Variants in MS4A18 observed in about 807,000 individuals in gnomAD.
The protein encoded by MS4A18 is membrane spanning 4-domains A18.
A neutral mutation model predicts 13.1 loss-of-function variants in MS4A18; 27 were observed. The ratio of observed to expected loss-of-function variants is 2.06; its 90% CI spans 1.52 to 2.84. MS4A18 has a LOEUF of 2.84. MS4A18 is among the 30% of genes most tolerant of loss of function. The pLI, the probability that MS4A18 is intolerant of heterozygous loss-of-function variation, is 0.00. For synonymous variants in MS4A18, 126 were observed against 76.5 expected (o/e 1.65, Z -3.38); for missense variants, 307 against 196.4 (o/e 1.56, Z -3.37).
intron 2 of MS4A18, among the ~76,000 whole-genome samples, chr11:60,735,550 C>T (rs1853324461): frequency 6.8e-6 from 1 of 147,960 alleles, no homozygotes; most frequent in South Asian, 2.2e-4. Flanking sequence ...AGGGTTTCAC[C>T]GTGGTCTCGA....
intron 2 of MS4A18, among the ~76,000 whole-genome samples, chr11:60,735,830 A>G (rs1207869815): frequency 6.8e-6 from 1 of 147,894 alleles, no homozygotes; most frequent in African/African-American, 2.5e-5. Context: ...CTCCCAGCTA[A>G]TTTTTGTATT....
At chr11:60,732,564 TA>T (rs1048093493) in intron 1 of MS4A18, among the ~76,000 whole-genome samples, 59 of 151,448 alleles carry the variant, frequency 3.9e-4, no homozygotes, top group African/African-American at 1.4e-3. Flanking sequence ...CCATCTCTAC[TA>T]AAAATACAAA....
At chr11:60,730,279 T>C (rs149401083) in intron 1 of MS4A18, among the ~76,000 whole-genome samples, 8 of 152,334 alleles carry the variant, frequency 5.3e-5, no homozygotes, top group Non-Finnish European at 8.8e-5. Context: ...TCTGCCTCTT[T>C]CCTGCCTCCT....
chr11:60,729,228 T>A (rs184713828), upstream of MS4A18: 156 of 629,462 alleles, frequency 2.5e-4, no homozygotes, highest in African/African-American at 2.4e-3. Context: ...AAGATGAAAC[T>A]AAAGATAAGA....
chr11:60,736,963 T>TTC lies in MS4A18; in HGVS notation c.592-14_592-13insCT. On this transcript the variant is annotated splice_polypyrimidine_tract_variant and intron_variant, in intron 2 of 5. Coordinates refer to ENST00000529108, the Ensembl canonical transcript of MS4A18. ...ACAATTGGTCATTCTTTTTTTTTTT[T>TTC]TTTTGTCTGCGTAGTATATTGTATC... 4.4e-6 allele frequency: 3 copies of TTC among 685,754 alleles called. No homozygotes were observed. Among genetic ancestry groups the TTC allele is most frequent in the Admixed American group, 2.2e-5 (1 of 46,102 alleles). 42.5% of individuals were successfully genotyped at this position (685,754 alleles called of 1,614,324 possible).
chr11:60,744,355 G>C (rs1249761096), downstream of MS4A18: 1 of 271,068 alleles, frequency 3.7e-6, no homozygotes, highest in Non-Finnish European at 7.1e-6. Context: ...TTCCCAGTCC[G>C]CAGCTCTAAC....
rs781560170 is a variant in MS4A18, at chr11:60,741,163, C to T, written c.858+20C>T. 5.7e-6 allele frequency: 4 copies of T among 702,934 alleles called. No individual in the cohort carries two copies. The highest frequency in any genetic ancestry group is 4.4e-5 in the South Asian group (3 of 67,576). The allele number at this position is 702,934 out of a possible 1,614,324, so 43.5% of individuals were successfully genotyped here. A position where few individuals can be genotyped will look rare whatever the true frequency, so the allele number is the denominator to read the frequency against. ...TTTGAGGTAAGCATTGGACTCTGTT[C>T]CAGGAATCAGATCATGCTCTGGAGT... is the stretch of plus-strand genomic sequence containing the variant. On this transcript the variant is annotated intron_variant, in intron 5 of 5. Transcript: ENST00000529108.
At chr11:60,729,536 A>G (rs1296335125) in exon 1 of MS4A18, 3 of 702,710 alleles carry the variant, frequency 4.3e-6, no homozygotes, top group Non-Finnish European at 7.8e-6. Context: ...GCAGGTGTAC[A>G]GAGTCAACCC....
upstream of MS4A18, among the ~76,000 whole-genome samples, chr11:60,728,400 ATGTATGTG>A (rs1230658215): frequency 1.1e-4 from 16 of 143,996 alleles, no homozygotes; most frequent in African/African-American, 4.4e-4. Context: ...GTATGTGTGT[ATGTATGTG>A]TGTGTGTGTG....
intron 3 of MS4A18, among the ~76,000 whole-genome samples, chr11:60,737,657 C>G (rs1444763846): frequency 6.6e-6 from 1 of 152,168 alleles, no homozygotes; most frequent in Non-Finnish European, 1.5e-5. Context: ...TTTGTTGCAG[C>G]CTCTAAGAAG....
At chr11:60,739,710 C>T (rs766989662) in intron 4 of MS4A18, among the ~76,000 whole-genome samples, 5 of 152,220 alleles carry the variant, frequency 3.3e-5, no homozygotes, top group Non-Finnish European at 7.3e-5. Context: ...GTCTGCCATG[C>T]TCATGGGCAA....
At chr11:60,732,632 G>A (rs1853272802) in intron 1 of MS4A18, among the ~76,000 whole-genome samples, 1 of 151,298 alleles carries the variant, frequency 6.6e-6, no homozygotes, top group African/African-American at 2.4e-5. Flanking sequence ...TCGGGAGGCT[G>A]AGGCAGGAGA....
intron 4 of MS4A18, among the ~76,000 whole-genome samples, chr11:60,739,961 G>A (rs1853393508): frequency 6.6e-6 from 1 of 152,214 alleles, no homozygotes; most frequent in Non-Finnish European, 1.5e-5. Context: ...CAGGGGTGAG[G>A]GCAGTCCCTA....
At chr11:60,732,325 C>T (rs1256710127) in intron 1 of MS4A18, among the ~76,000 whole-genome samples, 3 of 152,026 alleles carry the variant, frequency 2.0e-5, no homozygotes, top group Non-Finnish European at 4.4e-5. Context: ...GACAGAGGAT[C>T]TCCCCTTGTG....
chr11:60,727,792 A>C (rs1204427360), upstream of MS4A18, among the ~76,000 whole-genome samples: 1 of 152,214 alleles, frequency 6.6e-6, no homozygotes, highest in Non-Finnish European at 1.5e-5. Context: ...ATATCTTCGC[A>C]TCTAATAATA....
At chr11:60,744,769 T>A (rs191350854), downstream of MS4A18, among the ~76,000 whole-genome samples, 89 of 152,352 alleles carry the variant, frequency 5.8e-4, 1 homozygote, top group African/African-American at 2.0e-3. Flanking sequence ...AGATGTTCAA[T>A]GTTATTAGCC....
chr11:60,727,604 G>A (rs1853184944), upstream of MS4A18, among the ~76,000 whole-genome samples: 1 of 152,168 alleles, frequency 6.6e-6, no homozygotes, highest in Admixed American at 6.5e-5. Flanking sequence ...TTGTGATTTA[G>A]TGAGGACAGA....
At chr11:60,730,700 G>A (rs953056358) in intron 1 of MS4A18, among the ~76,000 whole-genome samples, 1 of 152,190 alleles carries the variant, frequency 6.6e-6, no homozygotes, top group Admixed American at 6.5e-5. Context: ...TTAATCCTGG[G>A]TAGACAAGTA....
upstream of MS4A18, among the ~76,000 whole-genome samples, chr11:60,725,846 T>C (rs986517833): frequency 6.6e-6 from 1 of 152,128 alleles, no homozygotes; most frequent in African/African-American, 2.4e-5. Context: ...AATATATTGC[T>C]GGGGGAACTG....
Sources: allele counts gnomAD v4.1 joint callset (sites outside exome capture counted in the v4.1 genomes callset), GRCh38; gene constraint gnomAD v4.1.1; transcripts MANE v1.5; gene names NCBI Gene and HGNC (gene_info 2026-07-23, HGNC 2026-07-21).